RAB31: variants seen among roughly 807,000 people sequenced by gnomAD.
The protein encoded by RAB31 is RAB31, member RAS oncogene family.
In RAB31, 21 loss-of-function variants were observed where a neutral mutation model predicts 25.6. The ratio of observed to expected loss-of-function variants is 0.82; its 90% CI spans 0.58 to 1.18. The LOEUF (loss-of-function observed/expected upper bound fraction) is 1.18. Among genes scored for constraint, RAB31 ranks in the 50% most tolerant of loss-of-function variants. The pLI, the probability that RAB31 is intolerant of heterozygous loss-of-function variation, is 0.00. For missense variants in RAB31, 196 were observed against 250.1 expected (o/e 0.78, Z 1.46); for synonymous variants, 87 against 84.0 (o/e 1.04, Z -0.20).
At chr18:9,805,329 T>C (rs1406213315) in intron 3 of RAB31, among the ~76,000 whole-genome samples, 1 of 151,074 alleles carries the variant, frequency 6.6e-6, no homozygotes, top group African/African-American at 2.4e-5. Flanking sequence ...GATTAAAATA[T>C]CTGCAGACCT....
intron 5 of RAB31, among the ~76,000 whole-genome samples, chr18:9,843,529 G>C (rs1323602681): frequency 9.3e-6 from 1 of 107,114 alleles, no homozygotes; most frequent in African/African-American, 3.8e-5. Flanking sequence ...CTGGGCGACA[G>C]AGCAAGACAC....
chr18:9,811,740 A>G (rs559730976), intron 3 of RAB31, among the ~76,000 whole-genome samples: 1 of 152,210 alleles, frequency 6.6e-6, no homozygotes, highest in Non-Finnish European at 1.5e-5. Flanking sequence ...ACCCTACATT[A>G]TATTATCATA....
chr18:9,710,084 C>A (rs2068008597), intron 1 of RAB31, among the ~76,000 whole-genome samples: 1 of 152,140 alleles, frequency 6.6e-6, no homozygotes, highest in African/African-American at 2.4e-5. Context: ...GTCACAGGAC[C>A]CCTTATTTTC....
At chr18:9,832,579 C>T (rs564865208) in intron 5 of RAB31, among the ~76,000 whole-genome samples, 34 of 152,292 alleles carry the variant, frequency 2.2e-4, no homozygotes, top group Non-Finnish European at 3.8e-4. Context: ...AGGAGTGGAA[C>T]GGGCCGCGAA....
intron 2 of RAB31, among the ~76,000 whole-genome samples, chr18:9,777,766 T>G: frequency 6.7e-6 from 1 of 150,024 alleles, no homozygotes; most frequent in African/African-American, 2.5e-5. Flanking sequence ...TTTTTTTTTT[T>G]TTTTTTGAGA....
At chr18:9,841,143 G>A (rs1485625034) in intron 5 of RAB31, among the ~76,000 whole-genome samples, 1 of 151,994 alleles carries the variant, frequency 6.6e-6, no homozygotes, top group Non-Finnish European at 1.5e-5. Flanking sequence ...TGCTGCTGAT[G>A]CTGGTCATGA....
At chr18:9,820,090 C>T (rs753727744) in intron 5 of RAB31, among the ~76,000 whole-genome samples, 2 of 152,024 alleles carry the variant, frequency 1.3e-5, no homozygotes, top group Non-Finnish European at 2.9e-5. Flanking sequence ...ATCTCTAAAA[C>T]AGCCTGGAAT....
intron 5 of RAB31, among the ~76,000 whole-genome samples, chr18:9,825,905 T>G (rs146225798): frequency 2.5e-4 from 38 of 152,204 alleles, no homozygotes; most frequent in Non-Finnish European, 5.0e-4. Context: ...CTCACGGACA[T>G]AAAGATGGAA....
intron 3 of RAB31, among the ~76,000 whole-genome samples, chr18:9,794,645 T>C (rs928445370): frequency 9.9e-5 from 15 of 152,158 alleles, no homozygotes; most frequent in African/African-American, 3.6e-4. Flanking sequence ...TAAAACCTTG[T>C]CTCTACTAAA....
intron 1 of RAB31, among the ~76,000 whole-genome samples, chr18:9,742,523 C>T (rs780449400): frequency 6.6e-6 from 1 of 152,176 alleles, no homozygotes; most frequent in African/African-American, 2.4e-5. Context: ...TACGTGTTTT[C>T]TTCTTCATGG....
chr18:9,717,407 C>T (rs891127554), intron 1 of RAB31, among the ~76,000 whole-genome samples: 1 of 152,072 alleles, frequency 6.6e-6, no homozygotes, highest in African/African-American at 2.4e-5. Flanking sequence ...CTAGGAGACT[C>T]GAGTTATCAG....
chr18:9,801,526 C>T (rs571665567), intron 3 of RAB31, among the ~76,000 whole-genome samples: 87 of 152,274 alleles, frequency 5.7e-4, no homozygotes, highest in Middle Eastern at 3.4e-3. Flanking sequence ...GGTGATCCAC[C>T]GGCCTCGGCC....
intron 1 of RAB31, among the ~76,000 whole-genome samples, chr18:9,773,611 C>A: frequency 6.6e-6 from 1 of 152,096 alleles, no homozygotes; most frequent in Non-Finnish European, 1.5e-5. Flanking sequence ...AACTTCCTGA[C>A]TTTATTTTCT....
chr18:9,775,339 A>G lies in RAB31; in HGVS notation c.101A>G (p.Asn34Ser), dbSNP rs374548051. 36 of 1,613,706 alleles carry G rather than the reference A, an allele frequency of 2.2e-5. No individual in the cohort carries two copies. The highest frequency in any genetic ancestry group is 1.0e-4 in the Admixed American group (6 of 60,000). The change falls in exon 2 of 7, where the codon AAC becomes AGC. Residue 34 changes from asparagine to serine, a missense_variant. Transcript: ENST00000578921. ...TTTGTCCAGGATCACTTTGACCACA[A>G]CATCAGCCCTACTATTGGGTAAGTT... The part of the protein sequence containing the change: ...CRFVQDHFDH[N>S]ISPTIGASFM...
chr18:9,862,161 C>CT lies in RAB31; in HGVS notation c.*2842dup, dbSNP rs1018000597. 6.6e-6 allele frequency: 1 copy of CT among 152,372 alleles called. No individual in the cohort carries two copies. Among genetic ancestry groups the CT allele is most frequent in the Non-Finnish European group, 1.5e-5 (1 of 68,040 alleles). The allele number at this position is 152,372 out of a possible 1,614,324, so 9.4% of individuals were successfully genotyped here. On this transcript the variant is annotated 3_prime_UTR_variant, in exon 7 of 7. Coordinates refer to ENST00000578921, the MANE Select transcript of RAB31 (RefSeq NM_006868.4). ...TTGGCATGTGGTGGCTGAAACTGAG[C>CT]TTTTTTGTGTGGGCTCCAGTTCTCA...
chr18:9,828,891 A>G (rs2068663358), intron 5 of RAB31, among the ~76,000 whole-genome samples: 1 of 152,118 alleles, frequency 6.6e-6, no homozygotes, highest in African/African-American at 2.4e-5. Context: ...GATAATGAGG[A>G]AGAATAGAGT....
At chr18:9,793,166 T>C (rs1257335847) in intron 3 of RAB31, among the ~76,000 whole-genome samples, 1 of 152,002 alleles carries the variant, frequency 6.6e-6, no homozygotes, top group African/African-American at 2.4e-5. Flanking sequence ...CTTGACCTCC[T>C]GGGCTCAAGA....
In RAB31 at chr18:9,834,963, G is replaced by T. The variant is rs150721763; in HGVS notation, c.381-10619G>T. On this transcript the variant is annotated intron_variant, in intron 5 of 6. Coordinates refer to ENST00000578921, the MANE Select transcript of RAB31 (RefSeq NM_006868.4). ...AGTTGATCTGTCTCCTGTTTACTTAGGAAGTGGGTTGTAAACAAGTTAATT... is the reference window on the plus strand; with the variant it reads ...AGTTGATCTGTCTCCTGTTTACTTATGAAGTGGGTTGTAAACAAGTTAATT... 5.3e-5 allele frequency among the ~76,000 whole-genome samples: 8 copies of T among 152,308 alleles called. No individual in the cohort carries two copies. In the East Asian group the frequency reaches 1.5e-3, roughly 29 times the overall value.
intron 1 of RAB31, among the ~76,000 whole-genome samples, chr18:9,717,050 A>G (rs528552856): frequency 6.6e-6 from 1 of 151,772 alleles, no homozygotes; most frequent in Non-Finnish European, 1.5e-5. Flanking sequence ...GGTGTGAGTC[A>G]CTTTGCCCAG....
Sources: gnomAD v4.1 joint callset for allele counts (sites outside exome capture counted in the v4.1 genomes callset) on GRCh38, gnomAD v4.1.1 for gene constraint, MANE v1.5 for transcripts, NCBI Gene and HGNC (gene_info 2026-07-23, HGNC 2026-07-21) for gene names.